Variants in ATP9A observed in about 807,000 individuals in gnomAD.
ATP9A encodes probable phospholipid-transporting ATPase IIA.
ATP9A carries 52 observed loss-of-function variants against 144.1 expected under a neutral mutation model. The observed-to-expected ratio is 0.36, with a 90% CI of 0.29 to 0.45. The LOEUF is 0.45. ATP9A is among the 20% of genes least tolerant of loss of function. The probability of loss-of-function intolerance (pLI) is 1.00; values close to 1 mark genes in which losing one functional copy is unlikely to be tolerated. For synonymous variants in ATP9A, 582 were observed against 557.4 expected, an observed-to-expected ratio of 1.04 and a Z score of -0.62; for missense variants, 947 against 1,392.7, an observed-to-expected ratio of 0.68 and a Z score of 5.09.
At chr20:51,609,661 A>T (rs731893) in intron 24 of ATP9A, among the ~76,000 whole-genome samples, 41,699 of 152,100 alleles carry the variant, frequency 0.27, 5,952 homozygotes, top group Middle Eastern at 0.32. Flanking sequence ...TCCCCGAGGC[A>T]GTGGACTCTG....
chr20:51,623,688 T>C (rs1568790090), intron 18 of ATP9A, among the ~76,000 whole-genome samples: 1 of 150,250 alleles, frequency 6.7e-6, no homozygotes, highest in Non-Finnish European at 1.5e-5. Context: ...CTTGGGAGGC[T>C]GAGGCAGGAG....
At chr20:51,620,683 C>T (rs761974826) in intron 19 of ATP9A, among the ~76,000 whole-genome samples, 8 of 151,932 alleles carry the variant, frequency 5.3e-5, no homozygotes, top group Non-Finnish European at 1.2e-4. Context: ...GCGCTGTGTG[C>T]GGCCATTTTA....
intron 3 of ATP9A, among the ~76,000 whole-genome samples, chr20:51,718,381 G>C (rs1337426242): frequency 1.3e-5 from 2 of 150,298 alleles, no homozygotes; most frequent in African/African-American, 2.4e-5. Context: ...TGTGGGGGGG[G>C]GTTGTTTGTT....
intron 13 of ATP9A, among the ~76,000 whole-genome samples, chr20:51,665,799 G>GTT (rs1242536677): frequency 6.6e-6 from 1 of 151,794 alleles, no homozygotes; most frequent in Non-Finnish European, 1.5e-5. Flanking sequence ...GCTGGTTATA[G>GTT]TTTTCTCTCC....
intron 4 of ATP9A, among the ~76,000 whole-genome samples, chr20:51,709,513 G>GA (rs1231255454): frequency 6.6e-6 from 1 of 151,654 alleles, no homozygotes; most frequent in Non-Finnish European, 1.5e-5. Context: ...CGGTGGGGAA[G>GA]AAAAAAAGCA....
At chr20:51,645,750 C>T (rs896606511) in intron 14 of ATP9A, among the ~76,000 whole-genome samples, 1 of 152,172 alleles carries the variant, frequency 6.6e-6, no homozygotes, top group Non-Finnish European at 1.5e-5. Flanking sequence ...CTCACTAACA[C>T]CTCTCGATTG....
chr20:51,618,482 G>A (rs2077212458), intron 21 of ATP9A, among the ~76,000 whole-genome samples, 180 bp downstream of exon 21: 1 of 152,028 alleles, frequency 6.6e-6, no homozygotes, highest in African/African-American at 2.4e-5. Flanking sequence ...ACTCTCCAAG[G>A]GAAATATTAA....
intron 14 of ATP9A, among the ~76,000 whole-genome samples, chr20:51,651,639 C>T (rs1453895848): frequency 6.6e-6 from 1 of 151,916 alleles, no homozygotes; most frequent in African/African-American, 2.4e-5. Context: ...GATTTTAAAA[C>T]CTTTTTTGGC....
chr20:51,710,755 A>G (rs916794556), intron 4 of ATP9A, among the ~76,000 whole-genome samples: 8 of 152,326 alleles, frequency 5.3e-5, no homozygotes, highest in South Asian at 2.1e-4. Flanking sequence ...CCATCTGCCA[A>G]TTCTCCTTAG....
At chr20:51,730,962 A>G (rs1388636468) in intron 1 of ATP9A, among the ~76,000 whole-genome samples, 2 of 152,100 alleles carry the variant, frequency 1.3e-5, no homozygotes, top group Non-Finnish European at 2.9e-5. Context: ...TGGGGCCAGG[A>G]GATTGACACC....
chr20:51,608,921 A>ATGTG (rs1491526287), intron 24 of ATP9A, among the ~76,000 whole-genome samples: 6 of 30,996 alleles, frequency 1.9e-4, no homozygotes, highest in African/African-American at 6.5e-4. Context: ...AGGAAATAAG[A>ATGTG]CGTGTGTGTG....
chr20:51,689,954 T>C (rs2077539677), intron 8 of ATP9A, among the ~76,000 whole-genome samples: 1 of 148,326 alleles, frequency 6.7e-6, no homozygotes, highest in African/African-American at 2.5e-5. Flanking sequence ...CTACTAAAAA[T>C]ACAAAAAATT....
intron 9 of ATP9A, among the ~76,000 whole-genome samples, chr20:51,683,298 TC>T (rs2077508347): frequency 6.6e-6 from 1 of 151,824 alleles, no homozygotes; most frequent in Non-Finnish European, 1.5e-5. Flanking sequence ...GGAGTCTCGC[TC>T]TGTCGCCCAG....
intron 14 of ATP9A, among the ~76,000 whole-genome samples, chr20:51,648,788 C>T (rs1002532543): frequency 6.6e-6 from 1 of 152,242 alleles, no homozygotes; most frequent in African/African-American, 2.4e-5. Flanking sequence ...GCCAAGACTG[C>T]ACCACTGTAT....
rs559672187 is a variant in ATP9A at position 51,637,186 on chromosome 20, C to T, written c.1668+2157G>A. On this transcript the variant is annotated intron_variant, in intron 15 of 27. Coordinates refer to ENST00000338821, the MANE Select transcript of ATP9A (RefSeq NM_006045.3). ...CATTTCTACTACTATCCCAGAGCTG[C>T]CCATGGCACTAAAGCTACACGGTAA... is the stretch of plus-strand genomic sequence containing the variant. Among the ~76,000 whole-genome samples the T allele has an allele frequency of 4.6e-5, 7 of 151,860 alleles. No individual in the cohort carries two copies. In the South Asian group the frequency reaches 8.3e-4, roughly 18 times the overall value.
At chr20:51,634,600 T>A (rs1213733605) in intron 15 of ATP9A, among the ~76,000 whole-genome samples, 1 of 152,030 alleles carries the variant, frequency 6.6e-6, no homozygotes. Context: ...CTCACTTCTG[T>A]ATCCCAGCAC....
At chr20:51,667,522 A>C (rs951442793) in intron 13 of ATP9A, among the ~76,000 whole-genome samples, 2 of 152,208 alleles carry the variant, frequency 1.3e-5, no homozygotes, top group African/African-American at 4.8e-5. Flanking sequence ...AATTTGAGAC[A>C]CAGAAATAAG....
intron 4 of ATP9A, among the ~76,000 whole-genome samples, chr20:51,698,594 C>T (rs1164989615): frequency 6.6e-6 from 1 of 152,070 alleles, no homozygotes; most frequent in Non-Finnish European, 1.5e-5. Flanking sequence ...AAACTCAATT[C>T]CAGTGGAGGG....
intron 2 of ATP9A, among the ~76,000 whole-genome samples, chr20:51,729,255 C>G (rs2077729136): frequency 6.6e-6 from 1 of 152,118 alleles, no homozygotes; most frequent in African/African-American, 2.4e-5. Flanking sequence ...TTAGGCTTAG[C>G]ACACCAAATA....
Sources: allele counts gnomAD v4.1 joint callset (sites outside exome capture counted in the v4.1 genomes callset), GRCh38; gene constraint gnomAD v4.1.1; transcripts MANE v1.5; gene names NCBI Gene and HGNC (gene_info 2026-07-23, HGNC 2026-07-21).